The following PTPRG variants were observed in gnomAD, a reference collection of about 807,000 sequenced individuals.
PTPRG encodes the protein receptor-type tyrosine-protein phosphatase gamma.
A neutral mutation model predicts 165.3 loss-of-function variants in PTPRG; 102 were observed. The observed-to-expected ratio is 0.62, with a 90% CI of 0.53 to 0.73. PTPRG has a LOEUF of 0.73. Among genes scored for constraint, PTPRG ranks in the 30% least tolerant of loss-of-function variants. The pLI, the probability that PTPRG is intolerant of heterozygous loss-of-function variation, is 0.00. For synonymous variants in PTPRG, 675 were observed against 669.5 expected (o/e 1.01, Z -0.13); for missense variants, 1,866 against 1,861.4 (o/e 1.00, Z -0.05).
At chr3:61,799,648 C>G (rs2035172941) in intron 2 of PTPRG, among the ~76,000 whole-genome samples, 1 of 152,188 alleles carries the variant, frequency 6.6e-6, no homozygotes, top group Non-Finnish European at 1.5e-5. Context: ...CCATTTTGAT[C>G]ACAACCTATC....
At chr3:62,048,076 C>T (rs1700353924) in intron 4 of PTPRG, among the ~76,000 whole-genome samples, 1 of 152,116 alleles carries the variant, frequency 6.6e-6, no homozygotes, top group Non-Finnish European at 1.5e-5. Context: ...ACAATTACCT[C>T]TGCAAGCTAC....
intron 1 of PTPRG, among the ~76,000 whole-genome samples, chr3:61,704,531 T>A (rs2031148883): frequency 6.6e-6 from 1 of 152,064 alleles, no homozygotes; most frequent in African/African-American, 2.4e-5. Flanking sequence ...TAATAAAAAA[T>A]GTCTCCAGGT....
intron 1 of PTPRG, among the ~76,000 whole-genome samples, chr3:61,580,406 G>C (rs1700261974): frequency 6.8e-6 from 1 of 146,000 alleles, no homozygotes; most frequent in African/African-American, 2.5e-5. Flanking sequence ...TTTTGAGACG[G>C]AGTCTTGCTC....
intron 2 of PTPRG, among the ~76,000 whole-genome samples, chr3:61,967,073 G>A (rs931019841): frequency 6.6e-6 from 1 of 152,182 alleles, no homozygotes; most frequent in African/African-American, 2.4e-5. Flanking sequence ...GTATGACAAA[G>A]TAAACTAATC....
chr3:62,012,592 AT>A (rs2041455359), intron 4 of PTPRG, among the ~76,000 whole-genome samples: 1 of 152,240 alleles, frequency 6.6e-6, no homozygotes, highest in Admixed American at 6.5e-5. Flanking sequence ...CCTGAAGGTA[AT>A]TTTTTATAAG....
At position 62,255,167 on chromosome 3, in the gene PTPRG, C is replaced by T. The variant is rs138568998; in HGVS notation, c.2511C>T (p.Ile837=). ...AIPVKQFVKH[I]GELYSNNQHG... is the part of the protein sequence containing the mutation. ...CTGTCAAACAGTTTGTCAAACACATCGGTGAGCTCTATTCTAATAACCAGC... is the reference window on the plus strand; with the variant it reads ...CTGTCAAACAGTTTGTCAAACACATTGGTGAGCTCTATTCTAATAACCAGC... The change falls in exon 16 of 30, where the codon ATC becomes ATT. Residue 837 remains isoleucine, a synonymous_variant. Transcript: ENST00000474889. The surrounding 1 kb of genome is among the most constrained non-coding windows in gnomAD (Gnocchi z 4.0). 6.9e-5 allele frequency: 112 copies of T among 1,613,208 alleles called. No homozygotes were observed. The African/African-American group carries it at 1.2e-3, about 17-fold the overall frequency.
At chr3:62,133,964 CAGAG>C (rs558083605) in intron 6 of PTPRG, among the ~76,000 whole-genome samples, 24 of 152,066 alleles carry the variant, frequency 1.6e-4, no homozygotes, top group East Asian at 5.8e-4. Flanking sequence ...GCCTGGACAA[CAGAG>C]AGAGATTCTG....
intron 4 of PTPRG, among the ~76,000 whole-genome samples, chr3:62,050,056 A>G (rs1019183558): frequency 2.0e-5 from 3 of 152,224 alleles, no homozygotes; most frequent in African/African-American, 7.2e-5. Context: ...CAGAAAAAGG[A>G]TAGTGTCTCT....
At chr3:61,618,742 A>G in intron 1 of PTPRG, among the ~76,000 whole-genome samples, 1 of 152,174 alleles carries the variant, frequency 6.6e-6, no homozygotes, top group South Asian at 2.1e-4. Context: ...CATAAAGCTG[A>G]ACTTTCCAGA....
At chr3:62,268,461 A>C (rs1701957101) in intron 19 of PTPRG, among the ~76,000 whole-genome samples, 1 of 152,106 alleles carries the variant, frequency 6.6e-6, no homozygotes, top group Non-Finnish European at 1.5e-5. Context: ...CAAACCTGCA[A>C]ATCTTGCACA....
intron 2 of PTPRG, among the ~76,000 whole-genome samples, chr3:61,896,548 T>C (rs1487960567): frequency 6.6e-6 from 1 of 152,220 alleles, no homozygotes; most frequent in African/African-American, 2.4e-5. Context: ...CTACATTTTC[T>C]ATTTCTCTGG....
intron 5 of PTPRG, among the ~76,000 whole-genome samples, chr3:62,087,641 A>T (rs1575986804): frequency 6.6e-6 from 1 of 152,314 alleles, no homozygotes; most frequent in African/African-American, 2.4e-5. Flanking sequence ...TACACAGGCC[A>T]CTAAGTGTTG....
intron 2 of PTPRG, among the ~76,000 whole-genome samples, chr3:61,810,175 A>G (rs1474673892): frequency 6.6e-6 from 1 of 152,208 alleles, no homozygotes; most frequent in Non-Finnish European, 1.5e-5. Context: ...AGTGCAGGAT[A>G]AAATAAGAAC....
intron 2 of PTPRG, among the ~76,000 whole-genome samples, chr3:61,861,854 A>G (rs1025723226): frequency 3.3e-5 from 5 of 152,172 alleles, no homozygotes; most frequent in Non-Finnish European, 5.9e-5. Flanking sequence ...ATGCATCCCA[A>G]TGGTGGCGAA....
chr3:62,107,591 A>G (rs756511249), intron 5 of PTPRG, among the ~76,000 whole-genome samples: 7 of 152,206 alleles, frequency 4.6e-5, no homozygotes, highest in African/African-American at 1.7e-4. Context: ...TGAATAATAT[A>G]TGGTACGTAC....
At chr3:61,777,268 C>T (rs1013257947) in intron 2 of PTPRG, among the ~76,000 whole-genome samples, 2 of 152,134 alleles carry the variant, frequency 1.3e-5, no homozygotes, top group Non-Finnish European at 2.9e-5. Context: ...CACATGTGAC[C>T]ATGGAGCACT....
intron 4 of PTPRG, among the ~76,000 whole-genome samples, chr3:62,027,971 A>G (rs143538690): frequency 6.6e-6 from 1 of 152,324 alleles, no homozygotes; most frequent in East Asian, 1.9e-4. Flanking sequence ...ACTCGTGATT[A>G]TTTATTCCTC....
intron 1 of PTPRG, among the ~76,000 whole-genome samples, chr3:61,623,797 T>C (rs9877032): frequency 0.028 from 4,336 of 152,278 alleles, 203 homozygotes; most frequent in African/African-American, 0.097. Context: ...CAGGGCTACC[T>C]GTGAAAGGCT....
intron 8 of PTPRG, among the ~76,000 whole-genome samples, chr3:62,179,460 G>A (rs1402799181): frequency 6.6e-6 from 1 of 152,232 alleles, no homozygotes; most frequent in Non-Finnish European, 1.5e-5. Context: ...ATTATCAGGT[G>A]CACAGAGCTA....
Sources: allele counts gnomAD v4.1 joint callset (sites outside exome capture counted in the v4.1 genomes callset), GRCh38; gene constraint gnomAD v4.1.1; non-coding constraint Gnocchi (gnomAD v3.1); transcripts MANE v1.5; gene names NCBI Gene and HGNC (gene_info 2026-07-23, HGNC 2026-07-21).